ZNF320: variants seen among roughly 807,000 people sequenced by gnomAD.
ZNF320 encodes zinc finger protein 320.
A neutral mutation model predicts 6.8 loss-of-function variants in ZNF320; 2 were observed. That is an observed-to-expected ratio of 0.29 (90% CI 0.12 to 0.93). The LOEUF is 0.93. Ranked by LOEUF, ZNF320 falls within the 40% of genes least tolerant of loss-of-function variation. The probability of loss-of-function intolerance (pLI) is 0.55; values close to 1 mark genes in which losing one functional copy is unlikely to be tolerated. For missense variants in ZNF320, 472 were observed against 611.0 expected (o/e 0.77, Z 2.40); for synonymous variants, 208 against 203.2 (o/e 1.02, Z -0.20).
At chr19:52,862,825 C>A in exon 6 of ZNF320, 1 of 354,304 alleles carries the variant, frequency 2.8e-6, no homozygotes, top group South Asian at 2.7e-5. Flanking sequence ...TTGTCACATT[C>A]TTTACATTTG....
downstream of ZNF320, among the ~76,000 whole-genome samples, chr19:52,860,422 A>G (rs2063480805): frequency 6.6e-6 from 1 of 151,944 alleles, no homozygotes; most frequent in Non-Finnish European, 1.5e-5. Flanking sequence ...AACATGGTGA[A>G]AGCCAGTCTT....
chr19:52,865,725 TTATA>T (rs1210132039), intron 5 of ZNF320, among the ~76,000 whole-genome samples: 2 of 110,694 alleles, frequency 1.8e-5, no homozygotes, highest in Admixed American at 9.7e-5. Context: ...ATACACATAT[TTATA>T]TATATGATTA....
At chr19:52,874,358 C>G (rs2063730392), downstream of ZNF320, 1 of 153,812 alleles carries the variant, frequency 6.5e-6, no homozygotes, top group African/African-American at 2.4e-5. Flanking sequence ...ATGCAGAGCA[C>G]AGCCCCCTCA....
Position 52,890,339 on chromosome 19 carries a change from G to A in ZNF320, c.-73-11C>T, listed in dbSNP as rs1381769891. 4.4e-5 allele frequency: 68 copies of A among 1,532,964 alleles called. No homozygotes were observed. The highest frequency in any genetic ancestry group is 1.1e-4 in the Admixed American group (6 of 54,764). 95.0% of individuals were successfully genotyped at this position (1,532,964 alleles called of 1,614,324 possible). On this transcript the variant is annotated splice_polypyrimidine_tract_variant and intron_variant, in intron 3 of 5. Transcript: ENST00000682928. ...CTTTAGAAGTCAATCCTAAATGTTA[G>A]AAATATGTTGTTTATCACTGAGAAT...
At position 52,880,505 on chromosome 19, in the gene ZNF320, C is replaced by T; in HGVS notation, c.*91G>A. On this transcript the variant is annotated 3_prime_UTR_variant, in exon 6 of 6. Coordinates refer to ENST00000682928, the MANE Select transcript of ZNF320 (RefSeq NM_001351774.2). Reference sequence around the variant, plus strand: ...TGTGAGACACCACGCCTGGCCCAATCCTCTTAACATAAACAGTTTAATGTC... The same window carrying T: ...TGTGAGACACCACGCCTGGCCCAATTCTCTTAACATAAACAGTTTAATGTC... 1 of 1,343,222 alleles carries T rather than the reference C, an allele frequency of 7.4e-7. No homozygotes were observed. 83.2% of individuals were successfully genotyped at this position (1,343,222 alleles called of 1,614,324 possible). A position where few individuals can be genotyped will look rare whatever the true frequency, so the allele number is the denominator to read the frequency against.
upstream of ZNF320, among the ~76,000 whole-genome samples, chr19:52,900,260 GT>G (rs1380127617): frequency 6.6e-6 from 1 of 152,200 alleles, no homozygotes; most frequent in East Asian, 1.9e-4. Flanking sequence ...GTATGTAACT[GT>G]TTTTGTGGTA....
chr19:52,889,322 G>C (rs1184972003), intron 4 of ZNF320, among the ~76,000 whole-genome samples: 1 of 152,060 alleles, frequency 6.6e-6, no homozygotes, highest in Non-Finnish European at 1.5e-5. Flanking sequence ...CATCCTAGAT[G>C]AATCAATTAC....
downstream of ZNF320, among the ~76,000 whole-genome samples, chr19:52,874,388 CTGA>C (rs1482744224): frequency 1.3e-5 from 2 of 152,188 alleles, no homozygotes; most frequent in African/African-American, 4.8e-5. Context: ...GGATCACAGG[CTGA>C]TCTCAGCTCT....
downstream of ZNF320, among the ~76,000 whole-genome samples, chr19:52,875,328 C>T (rs1328877072): frequency 6.6e-6 from 1 of 152,110 alleles, no homozygotes; most frequent in Admixed American, 6.5e-5. Flanking sequence ...GACAACTGCA[C>T]ACAGGATTGT....
upstream of ZNF320, among the ~76,000 whole-genome samples, chr19:52,900,044 T>C (rs2064566487): frequency 6.6e-6 from 1 of 152,176 alleles, no homozygotes; most frequent in Non-Finnish European, 1.5e-5. Flanking sequence ...CCTGTATTTA[T>C]GGGCAGTAAG....
chr19:52,884,656 T>C (rs551622113), intron 5 of ZNF320, among the ~76,000 whole-genome samples: 1 of 152,248 alleles, frequency 6.6e-6, no homozygotes, highest in East Asian at 1.9e-4. Context: ...TTCACCATGT[T>C]GGCCAGACTG....
rs373579320 is a variant in ZNF320 at position 52,880,767 on chromosome 19, A to G, written c.1359T>C (p.Pro453=). 4.0e-5 allele frequency: 65 copies of G among 1,613,942 alleles called. No individual in the cohort carries two copies. Among genetic ancestry groups the G allele is most frequent in the Non-Finnish European group, 5.4e-5 (64 of 1,179,856 alleles). ...CGDCGKAFNS[P]SHLIRHQRIH... ...TTCTCTGATGCCTAATAAGGTGTGA[A>G]GGTGAATTAAAGGCTTTACCACAAT... Residue 453 remains proline, a synonymous_variant, in exon 6 of 6, where the codon CCT becomes CCC. Transcript: ENST00000682928.
intron 5 of ZNF320, among the ~76,000 whole-genome samples, chr19:52,884,123 G>A (rs12461022): frequency 0.16 from 23,780 of 152,116 alleles, 1,976 homozygotes; most frequent in East Asian, 0.27. Context: ...GGGCTAAACC[G>A]TGAAGAAGCC....
intron 1 of ZNF320, among the ~76,000 whole-genome samples, chr19:52,894,534 C>T (rs751661959): frequency 3.9e-5 from 6 of 152,066 alleles, no homozygotes; most frequent in South Asian, 4.1e-4. Context: ...GACAGTAATA[C>T]GTTCAAAATA....
upstream of ZNF320, among the ~76,000 whole-genome samples, chr19:52,898,757 A>G (rs983632723): frequency 2.6e-5 from 4 of 152,192 alleles, no homozygotes; most frequent in African/African-American, 9.6e-5. Flanking sequence ...GTGGTCAGAG[A>G]GAAACAGAAC....
intron 5 of ZNF320, among the ~76,000 whole-genome samples, chr19:52,886,658 G>A (rs1425360815): frequency 2.6e-5 from 4 of 152,128 alleles, no homozygotes; most frequent in Non-Finnish European, 5.9e-5. Context: ...AACCATGGTT[G>A]GGCATGGCAG....
chr19:52,877,465 A>G lies in ZNF320; in HGVS notation c.*3131T>C, dbSNP rs999664927. On this transcript the variant is annotated 3_prime_UTR_variant, in exon 6 of 6. Transcript: ENST00000682928. ...TGGCTCAGGGACCCTGTATTTTTAC[A>G]TAAATAGGGCAAGGGAAGCAATCAG... The G allele has an allele frequency of 1.3e-5, 2 of 152,208 alleles. No homozygotes were observed. Among genetic ancestry groups the G allele is most frequent in the Admixed American group, 1.3e-4 (2 of 15,280 alleles). 9.4% of individuals were successfully genotyped at this position (152,208 alleles called of 1,614,324 possible).
chr19:52,886,055 T>C (rs901016099), intron 5 of ZNF320, among the ~76,000 whole-genome samples: 10 of 152,068 alleles, frequency 6.6e-5, no homozygotes. Context: ...AAATGCAACA[T>C]ACACAAAAAT....
rs140243867 is a variant in ZNF320, at chr19:52,868,231, G to A, written c.224-4072C>T. 5.3e-3 allele frequency among the ~76,000 whole-genome samples: 807 copies of A among 152,250 alleles called. 9 individuals carry two copies. Among genetic ancestry groups the A allele is most frequent in the African/African-American group, 0.017 (688 of 41,550 alleles). On this transcript the variant is annotated intron_variant, in intron 5 of 5. Transcript: ENST00000673631. ...TGTTTAAAAACCTGGAGGCATCCAG[G>A]CGCAGTGGCTCACGCTTGTAATCCC...
Sources: gnomAD v4.1 joint callset for allele counts (sites outside exome capture counted in the v4.1 genomes callset) on GRCh38, gnomAD v4.1.1 for gene constraint, MANE v1.5 for transcripts, NCBI Gene and HGNC (gene_info 2026-07-23, HGNC 2026-07-21) for gene names.